The following SCHIP1 variants were observed in gnomAD, a reference collection of about 807,000 sequenced individuals.
SCHIP1 encodes the protein schwannomin-interacting protein 1.
SCHIP1 carries 8 observed loss-of-function variants against 29.7 expected under a neutral mutation model. The ratio of observed to expected loss-of-function variants is 0.27; its 90% CI spans 0.16 to 0.49. The LOEUF (loss-of-function observed/expected upper bound fraction) is 0.49. Ranked by LOEUF, SCHIP1 falls within the 20% of genes least tolerant of loss-of-function variation. The pLI, the probability that SCHIP1 is intolerant of heterozygous loss-of-function variation, is 0.99. For synonymous variants in SCHIP1, 76 were observed against 94.9 expected, an observed-to-expected ratio of 0.80 and a Z score of 1.16; for missense variants, 193 against 294.6, an observed-to-expected ratio of 0.66 and a Z score of 2.52.
chr3:159,602,273 G>A, the SCHIP1 span, among the ~76,000 whole-genome samples: 1 of 152,044 alleles, frequency 6.6e-6, no homozygotes, highest in African/African-American at 2.4e-5. Context: ...TTTTTTGTTG[G>A]ACTCTAGTGT....
chr3:159,557,478 A>G, the SCHIP1 span, among the ~76,000 whole-genome samples: 35 of 152,200 alleles, frequency 2.3e-4, no homozygotes, highest in Admixed American at 5.9e-4. Context: ...TTCGGAAAAC[A>G]ATAATGTTAC....
chr3:159,484,764 G>T, the SCHIP1 span, among the ~76,000 whole-genome samples: 1 of 152,138 alleles, frequency 6.6e-6, no homozygotes, highest in East Asian at 1.9e-4. Context: ...CCATTTAGGA[G>T]AACAATTACA....
At chr3:159,465,955 G>C in the SCHIP1 span, among the ~76,000 whole-genome samples, 2 of 152,090 alleles carry the variant, frequency 1.3e-5, no homozygotes. Flanking sequence ...CCTACTGAGT[G>C]AATGAGCTAA....
chr3:159,584,686 A>G, the SCHIP1 span, among the ~76,000 whole-genome samples: 4 of 152,142 alleles, frequency 2.6e-5, no homozygotes, highest in African/African-American at 9.7e-5. Flanking sequence ...GTGGTCCCCT[A>G]ACCAGCAACA....
the SCHIP1 span, chr3:159,273,453 G>A: frequency 9.5e-7 from 1 of 1,049,440 alleles, no homozygotes. Flanking sequence ...GGACTAATGG[G>A]ATCTTCTTTT....
chr3:159,844,993 A>G (rs931253333), intron 1 of SCHIP1, among the ~76,000 whole-genome samples: 1 of 152,352 alleles, frequency 6.6e-6, no homozygotes, highest in East Asian at 1.9e-4. Context: ...CATGAGAAGC[A>G]CCGTCAGAAA....
upstream of SCHIP1, among the ~76,000 whole-genome samples, chr3:159,838,422 G>A (rs369493946): frequency 7.9e-5 from 12 of 152,182 alleles, no homozygotes; most frequent in East Asian, 7.7e-4. Flanking sequence ...CAGTGAAACT[G>A]CGTGGTTAAT....
the SCHIP1 span, among the ~76,000 whole-genome samples, chr3:159,578,665 CT>C: frequency 2.6e-5 from 4 of 152,094 alleles, no homozygotes; most frequent in Admixed American, 6.6e-5. Flanking sequence ...TAGAAACTAC[CT>C]TTATTCTTTG....
At chr3:159,342,467 T>A in the SCHIP1 span, among the ~76,000 whole-genome samples, 2 of 152,240 alleles carry the variant, frequency 1.3e-5, no homozygotes, top group African/African-American at 4.8e-5. Context: ...ATAAACACTG[T>A]CTGACATATA....
At chr3:159,289,230 T>C in the SCHIP1 span, among the ~76,000 whole-genome samples, 12 of 152,320 alleles carry the variant, frequency 7.9e-5, no homozygotes, top group South Asian at 2.3e-3. Flanking sequence ...TGTGAACTTA[T>C]TAAAACTTAA....
At chr3:159,744,703 C>A in the SCHIP1 span, among the ~76,000 whole-genome samples, 2 of 152,190 alleles carry the variant, frequency 1.3e-5, no homozygotes, top group Non-Finnish European at 2.9e-5. Flanking sequence ...TGGGGCCAGG[C>A]GTGTTGGCTC....
the SCHIP1 span, among the ~76,000 whole-genome samples, chr3:159,617,012 G>T: frequency 2.0e-5 from 3 of 152,214 alleles, no homozygotes; most frequent in Non-Finnish European, 4.4e-5. Flanking sequence ...TATAGATGGG[G>T]AATATTTCCA....
At chr3:159,798,798 A>G in the SCHIP1 span, among the ~76,000 whole-genome samples, 3 of 152,160 alleles carry the variant, frequency 2.0e-5, no homozygotes, top group Non-Finnish European at 4.4e-5. Flanking sequence ...AACCAAAAAA[A>G]ACAGCCAAAC....
chr3:159,780,528 C>T, the SCHIP1 span, among the ~76,000 whole-genome samples: 1 of 152,188 alleles, frequency 6.6e-6, no homozygotes, highest in African/African-American at 2.4e-5. Flanking sequence ...GACCTTAAAG[C>T]TCATCTGGCC....
chr3:159,769,835 T>A, the SCHIP1 span, among the ~76,000 whole-genome samples: 10 of 152,240 alleles, frequency 6.6e-5, no homozygotes, highest in Non-Finnish European at 1.5e-5. Context: ...ATGTACAATT[T>A]GATGAGTTTT....
chr3:159,305,299 C>A, the SCHIP1 span, among the ~76,000 whole-genome samples: 1 of 152,216 alleles, frequency 6.6e-6, no homozygotes, highest in Non-Finnish European at 1.5e-5. Flanking sequence ...CTTCCCCAGT[C>A]TCCCATGTCC....
the SCHIP1 span, among the ~76,000 whole-genome samples, chr3:159,400,429 A>T: frequency 6.6e-6 from 1 of 152,240 alleles, no homozygotes; most frequent in African/African-American, 2.4e-5. Context: ...TGCCTGTTAC[A>T]TGCCAGGTAC....
the SCHIP1 span, among the ~76,000 whole-genome samples, chr3:159,478,535 T>C: frequency 6.6e-6 from 1 of 152,184 alleles, no homozygotes; most frequent in South Asian, 2.1e-4. Flanking sequence ...GGTTTGTTCC[T>C]TTTGCTCAAG....
chr3:159,591,850 A>G, the SCHIP1 span, among the ~76,000 whole-genome samples: 4 of 152,124 alleles, frequency 2.6e-5, no homozygotes, highest in African/African-American at 9.6e-5. Flanking sequence ...AAGGGTTGAG[A>G]GGTGCAGCAA....
Sources: gnomAD v4.1 joint callset for allele counts (sites outside exome capture counted in the v4.1 genomes callset) on GRCh38, gnomAD v4.1.1 for gene constraint, MANE v1.5 for transcripts, NCBI Gene and HGNC (gene_info 2026-07-23, HGNC 2026-07-21) for gene names.